Variants in NRG3 observed in about 807,000 individuals in gnomAD.
NRG3 encodes the protein neuregulin 3, also known as pro-neuregulin-3, membrane-bound isoform.
A neutral mutation model predicts 66.9 loss-of-function variants in NRG3; 31 were observed. The observed-to-expected ratio is 0.46, with a 90% confidence interval of 0.35 to 0.63. The LOEUF (loss-of-function observed/expected upper bound fraction) is 0.63, where lower values mean the gene tolerates loss of function less well. NRG3 is among the 20% of genes least tolerant of loss of function. The pLI is 0.00. For missense variants in NRG3, 910 were observed against 878.9 expected (o/e 1.04, Z -0.45); for synonymous variants, 393 against 359.4 (o/e 1.09, Z -1.06).
intron 1 of NRG3, among the ~76,000 whole-genome samples, chr10:81,961,215 A>G (rs1458249802): frequency 6.6e-6 from 1 of 152,204 alleles, no homozygotes; most frequent in East Asian, 1.9e-4. Context: ...ATGAATTGCA[A>G]GTTTAACTTG....
intron 2 of NRG3, among the ~76,000 whole-genome samples, chr10:82,409,493 G>A (rs2087883517): frequency 6.6e-6 from 1 of 151,290 alleles, no homozygotes; most frequent in Non-Finnish European, 1.5e-5. Context: ...AGTCTGAGCT[G>A]GGTAGAAAAT....
chr10:82,276,107 C>A (rs2078835184), intron 1 of NRG3, among the ~76,000 whole-genome samples: 1 of 151,846 alleles, frequency 6.6e-6, no homozygotes, highest in South Asian at 2.1e-4. Context: ...TCGTTTTATT[C>A]ATCAATAATT....
At chr10:82,969,989 C>T (rs1001986149) in intron 6 of NRG3, among the ~76,000 whole-genome samples, 19 of 152,070 alleles carry the variant, frequency 1.2e-4, no homozygotes, top group Admixed American at 3.9e-4. Context: ...TACGCTTTTG[C>T]GCCTTTTATT....
intron 2 of NRG3, among the ~76,000 whole-genome samples, chr10:82,566,401 G>A (rs1012057651): frequency 1.4e-4 from 22 of 151,938 alleles, no homozygotes; most frequent in African/African-American, 4.6e-4. Context: ...TAGCACACGT[G>A]TGATATCTTA....
chr10:81,924,391 A>C (rs1202875080), intron 1 of NRG3, among the ~76,000 whole-genome samples: 2 of 152,240 alleles, frequency 1.3e-5, no homozygotes, highest in Admixed American at 6.5e-5. Flanking sequence ...AGTTGTCTGA[A>C]CTTCAAAGCT....
chr10:81,877,760 C>T, intron 1 of NRG3: 1 of 1,356,864 alleles, frequency 7.4e-7, no homozygotes, highest in East Asian at 2.9e-5. Flanking sequence ...GCTTCTCTCT[C>T]CTTTGGCTGA....
chr10:82,407,994 A>G (rs530555219), intron 2 of NRG3, among the ~76,000 whole-genome samples: 3 of 150,946 alleles, frequency 2.0e-5, no homozygotes, highest in Non-Finnish European at 2.9e-5. Context: ...GCTTGAGGTG[A>G]GCTAAGATCA....
chr10:82,304,736 T>G (rs113301011), intron 1 of NRG3, among the ~76,000 whole-genome samples: 1 of 152,108 alleles, frequency 6.6e-6, no homozygotes, highest in Non-Finnish European at 1.5e-5. Context: ...CCTACCATCT[T>G]TCTTTTGATT....
At chr10:82,305,336 A>G (rs2080664251) in intron 1 of NRG3, among the ~76,000 whole-genome samples, 1 of 152,088 alleles carries the variant, frequency 6.6e-6, no homozygotes. Flanking sequence ...ATGTATTTTA[A>G]TATCTGATAG....
chr10:82,237,614 A>G (rs2076818699), intron 1 of NRG3, among the ~76,000 whole-genome samples: 2 of 152,212 alleles, frequency 1.3e-5, no homozygotes, highest in East Asian at 1.9e-4. Flanking sequence ...TTATTCTTGA[A>G]TGAATCAATC....
chr10:82,089,293 C>T (rs539784475), intron 1 of NRG3, among the ~76,000 whole-genome samples: 1 of 152,170 alleles, frequency 6.6e-6, no homozygotes, highest in Admixed American at 6.5e-5. Flanking sequence ...TGTATTAGAG[C>T]TTTACTTTTT....
intron 2 of NRG3, among the ~76,000 whole-genome samples, chr10:82,600,681 G>A (rs2047567960): frequency 6.6e-6 from 1 of 152,102 alleles, no homozygotes; most frequent in Admixed American, 6.6e-5. Flanking sequence ...TGTTGGCCAG[G>A]CTGGTCTCGA....
At chr10:82,139,668 A>G (rs918625438) in intron 1 of NRG3, among the ~76,000 whole-genome samples, 5 of 152,172 alleles carry the variant, frequency 3.3e-5, no homozygotes, top group Non-Finnish European at 5.9e-5. Flanking sequence ...AACATTCTAG[A>G]AGCAACTAAC....
chr10:82,928,256 A>G (rs1299645877), intron 4 of NRG3, among the ~76,000 whole-genome samples: 4 of 152,102 alleles, frequency 2.6e-5, no homozygotes, highest in African/African-American at 9.7e-5. Context: ...TCAGATGGAT[A>G]GATTGCAAAA....
At chr10:82,614,554 GC>G in intron 2 of NRG3, among the ~76,000 whole-genome samples, 1 of 152,226 alleles carries the variant, frequency 6.6e-6, no homozygotes, top group African/African-American at 2.4e-5. Flanking sequence ...ACTAATATGT[GC>G]AGTTTAATGC....
chr10:82,375,611 A>C (rs1200538305), intron 2 of NRG3, among the ~76,000 whole-genome samples: 2 of 152,148 alleles, frequency 1.3e-5, no homozygotes, highest in Non-Finnish European at 2.9e-5. Context: ...AAACGCCAAA[A>C]CGCTAAGTGA....
In NRG3 at chr10:82,311,981, A is replaced by G. The variant is rs374141309; in HGVS notation, c.824-46758A>G. ...AACAAATTATTCAACCTCTCTGCCA[A>G]CTCGGGACAATAAGACATATATGAC... On this transcript the variant is annotated intron_variant, in intron 1 of 8. Coordinates refer to ENST00000372141, the MANE Select transcript of NRG3 (RefSeq NM_001010848.4). Among the ~76,000 whole-genome samples, 22 of 152,310 alleles carry G rather than the reference A, an allele frequency of 1.4e-4. No homozygotes were observed. In the South Asian group the frequency reaches 3.3e-3, roughly 23 times the overall value.
intron 1 of NRG3, among the ~76,000 whole-genome samples, chr10:82,286,142 G>A (rs980126747): frequency 6.6e-6 from 1 of 152,256 alleles, no homozygotes; most frequent in African/African-American, 2.4e-5. Context: ...GAGGAGCGCA[G>A]GTAGGAAGGG....
intron 1 of NRG3, among the ~76,000 whole-genome samples, chr10:82,284,475 G>A (rs2079301102): frequency 6.6e-6 from 1 of 152,084 alleles, no homozygotes; most frequent in African/African-American, 2.4e-5. Context: ...TTTCCTGCAG[G>A]GTGAGGAGTT....
Sources: allele counts gnomAD v4.1 joint callset (sites outside exome capture counted in the v4.1 genomes callset), GRCh38; gene constraint gnomAD v4.1.1; transcripts MANE v1.5; gene names NCBI Gene and HGNC (gene_info 2026-07-23, HGNC 2026-07-21).